The following CACNA1C variants were observed in gnomAD, a reference collection of about 807,000 sequenced individuals.
CACNA1C encodes the protein voltage-dependent L-type calcium channel subunit alpha-1C.
A neutral mutation model predicts 229.0 loss-of-function variants in CACNA1C; 30 were observed. The ratio of observed to expected loss-of-function variants is 0.13; its 90% CI spans 0.10 to 0.18. The LOEUF (loss-of-function observed/expected upper bound fraction) is 0.18. Ranked by LOEUF, CACNA1C falls within the 10% of genes least tolerant of loss-of-function variation. The pLI, the probability that CACNA1C is intolerant of heterozygous loss-of-function variation, is 1.00. For synonymous variants in CACNA1C, 1,114 were observed against 1,132.5 expected (o/e 0.98, Z 0.33); for missense variants, 1,658 against 2,845.0 (o/e 0.58, Z 9.49).
intron 3 of CACNA1C, among the ~76,000 whole-genome samples, chr12:2,380,319 T>C (rs1350082717): frequency 6.6e-6 from 1 of 152,236 alleles, no homozygotes; most frequent in East Asian, 1.9e-4. Context: ...CTTTGCAAGC[T>C]TTAACACGTG....
intron 3 of CACNA1C, among the ~76,000 whole-genome samples, chr12:2,200,853 A>G (rs919615458): frequency 3.3e-5 from 5 of 152,152 alleles, no homozygotes; most frequent in African/African-American, 1.2e-4. Flanking sequence ...TCAGACAGCA[A>G]GTGCTAATGG....
intron 1 of CACNA1C, among the ~76,000 whole-genome samples, chr12:1,981,356 A>C (rs910927605): frequency 6.6e-6 from 1 of 152,238 alleles, no homozygotes; most frequent in African/African-American, 2.4e-5. Flanking sequence ...AAGAAATCCA[A>C]TAAAAACAAT....
chr12:2,681,699 C>T (rs1454397212), intron 42 of CACNA1C, among the ~76,000 whole-genome samples: 2 of 151,468 alleles, frequency 1.3e-5, no homozygotes, highest in Non-Finnish European at 2.9e-5. Context: ...GTCTGCAGTC[C>T]TCCTCCTCGA....
rs899162943 is a variant in CACNA1C, at chr12:2,602,200, G to T, written c.2960+240G>T. Among the ~76,000 whole-genome samples the T allele has an allele frequency of 6.6e-6, 1 of 152,180 alleles. No homozygotes were observed. On this transcript the variant is annotated intron_variant, in intron 22 of 46. Coordinates refer to ENST00000399655, the MANE Select transcript of CACNA1C (RefSeq NM_000719.7). This position sits in a 1 kb window ranked among gnomAD's most constrained non-coding sequence, Gnocchi z 4.4. ...TAATTATCTGGGTTTTGCCATGACAGGCAGGGCCAGGCTCAGCTATTAAGA... is the reference window on the plus strand; with the variant it reads ...TAATTATCTGGGTTTTGCCATGACATGCAGGGCCAGGCTCAGCTATTAAGA...
At chr12:2,582,733 T>G in intron 14 of CACNA1C, 89 bp from the exon 15 acceptor site, 7 of 1,442,430 alleles carry the variant, frequency 4.9e-6, no homozygotes, top group African/African-American at 1.4e-5. Flanking sequence ...TTGGACAATT[T>G]TGTTGACGTA....
Position 2,346,268 on chromosome 12 carries a change from G to A in CACNA1C, c.478-102708G>A. On this transcript the variant is annotated intron_variant, in intron 3 of 46. Coordinates refer to ENST00000399655, the MANE Select transcript of CACNA1C (RefSeq NM_000719.7). This position sits in a 1 kb window ranked among gnomAD's most constrained non-coding sequence, Gnocchi z 4.4. ...GTCTCTGTCTGTGCATCTCTCGTAT[G>A]TGCCTGTGTCTCTATGTAATGTGTT... Among the ~76,000 whole-genome samples, 1 of 152,056 alleles carries A rather than the reference G, an allele frequency of 6.6e-6. No individual in the cohort carries two copies. Among genetic ancestry groups the A allele is most frequent in the Non-Finnish European group, 1.5e-5 (1 of 67,986 alleles).
At chr12:2,491,152 A>G (rs2099726488) in intron 6 of CACNA1C, among the ~76,000 whole-genome samples, 1 of 152,192 alleles carries the variant, frequency 6.6e-6, no homozygotes, top group Non-Finnish European at 1.5e-5. Context: ...GTGTGATTCC[A>G]TTTATATGAA....
chr12:2,030,771 C>T (rs2048084911), intron 1 of CACNA1C, among the ~76,000 whole-genome samples: 1 of 152,202 alleles, frequency 6.6e-6, no homozygotes, highest in Non-Finnish European at 1.5e-5. Context: ...GTTAGGCAGG[C>T]ATGAGGCCAC....
Position 2,053,042 on chromosome 12 carries a change from G to A in CACNA1C, c.-521G>A, listed in dbSNP as rs1448629673. 1 of 984,558 alleles carries A rather than the reference G, an allele frequency of 1.0e-6. No individual in the cohort carries two copies. Among genetic ancestry groups the A allele is most frequent in the African/African-American group, 1.8e-5 (1 of 57,104 alleles). The allele number at this position is 984,558 out of a possible 1,614,324, so 61.0% of individuals were successfully genotyped here. A position where few individuals can be genotyped will look rare whatever the true frequency, so the allele number is the denominator to read the frequency against. ...CTCCTGCCAGAGCGGCGCTCGGCGC[G>A]GCGCGGCGGGCCCGGAGCGGCGGCG... On this transcript the variant is annotated 5_prime_UTR_variant, in exon 1 of 47. Transcript: ENST00000399655. This position sits in a 1 kb window ranked among gnomAD's most constrained non-coding sequence, Gnocchi z 5.8.
chr12:2,218,897 A>G (rs977268461), intron 3 of CACNA1C, among the ~76,000 whole-genome samples: 2 of 152,124 alleles, frequency 1.3e-5, no homozygotes, highest in Admixed American at 1.3e-4. Flanking sequence ...GTGTCACTGT[A>G]TGCGTTGAAT....
chr12:2,157,051 T>A (rs1176703210), intron 3 of CACNA1C, among the ~76,000 whole-genome samples: 1 of 152,166 alleles, frequency 6.6e-6, no homozygotes, highest in East Asian at 1.9e-4. Flanking sequence ...TTGGAAATTG[T>A]GGTATCAGGT....
chr12:2,594,022 C>A (rs2066830543), intron 19 of CACNA1C, among the ~76,000 whole-genome samples: 2 of 152,210 alleles, frequency 1.3e-5, no homozygotes, highest in African/African-American at 2.4e-5. Context: ...TTTTGTCCTG[C>A]AGCACAAGAA....
intron 3 of CACNA1C, among the ~76,000 whole-genome samples, chr12:2,122,112 G>A (rs1251729757): frequency 2.6e-5 from 4 of 152,178 alleles, no homozygotes; most frequent in Non-Finnish European, 4.4e-5. Context: ...GGGGCTCGTA[G>A]GAGAGGACAA....
intron 1 of CACNA1C, among the ~76,000 whole-genome samples, chr12:2,106,616 TG>T (rs1428856791): frequency 9.9e-6 from 1 of 101,496 alleles, no homozygotes; most frequent in Non-Finnish European, 2.1e-5. Context: ...CCACCTCAGC[TG>T]GGCATCCTGA....
intron 3 of CACNA1C, among the ~76,000 whole-genome samples, chr12:2,402,941 A>G (rs572652195): frequency 3.9e-5 from 6 of 152,336 alleles, no homozygotes; most frequent in Non-Finnish European, 5.9e-5. Context: ...ACCCTCTGCT[A>G]TGAGCAAGGT....
rs1453207692 is a variant in CACNA1C, at chr12:2,667,000, CTT to C, written c.4623+219_4623+220del. On this transcript the variant is annotated intron_variant, in intron 37 of 46. Coordinates refer to ENST00000399655, the MANE Select transcript of CACNA1C (RefSeq NM_000719.7). This position sits in a 1 kb window ranked among gnomAD's most constrained non-coding sequence, Gnocchi z 5.3. ...CAGGGACCCAGTCCTGGATAAAGGA[CTT>C]GTTCAGTCCATCCCACTGCACCATC... Among the ~76,000 whole-genome samples the C allele has an allele frequency of 8.5e-5, 13 of 152,194 alleles. No individual in the cohort carries two copies. Among genetic ancestry groups the C allele is most frequent in the Non-Finnish European group, 1.6e-4 (11 of 68,040 alleles).
intron 3 of CACNA1C, among the ~76,000 whole-genome samples, chr12:2,361,795 G>A (rs1486193343): frequency 1.3e-5 from 2 of 152,240 alleles, no homozygotes; most frequent in African/African-American, 4.8e-5. Context: ...GGCTTAGATG[G>A]TGAGAACCAA....
At chr12:2,169,661 G>A (rs1188645658) in intron 3 of CACNA1C, among the ~76,000 whole-genome samples, 2 of 152,148 alleles carry the variant, frequency 1.3e-5, no homozygotes, top group African/African-American at 2.4e-5. Flanking sequence ...GTCAGGTCAC[G>A]GCTGGCATTT....
intron 1 of CACNA1C, among the ~76,000 whole-genome samples, chr12:2,036,044 TG>T (rs897740140): frequency 7.2e-5 from 11 of 152,216 alleles, no homozygotes; most frequent in African/African-American, 2.7e-4. Flanking sequence ...TTTTCTTTAC[TG>T]GTAAATGGGG....
Sources: gnomAD v4.1 joint callset for allele counts (sites outside exome capture counted in the v4.1 genomes callset) on GRCh38, gnomAD v4.1.1 for gene constraint, Gnocchi (gnomAD v3.1) non-coding constraint, MANE v1.5 for transcripts, NCBI Gene and HGNC (gene_info 2026-07-23, HGNC 2026-07-21) for gene names.